The following CNBD2 variants were observed in gnomAD, a reference collection of about 807,000 sequenced individuals.
The protein encoded by CNBD2 is cyclic nucleotide-binding domain-containing protein 2.
A neutral mutation model predicts 63.7 loss-of-function variants in CNBD2; 64 were observed. That is an observed-to-expected ratio of 1.00 (90% CI 0.82 to 1.24). The LOEUF is 1.24. CNBD2 is among the 50% of genes most tolerant of loss of function. The probability of loss-of-function intolerance (pLI) is 0.00; values close to 1 mark genes in which losing one functional copy is unlikely to be tolerated. For synonymous variants in CNBD2, 229 were observed against 255.4 expected (o/e 0.90, Z 0.99); for missense variants, 691 against 713.5 (o/e 0.97, Z 0.36).
intron 2 of CNBD2, among the ~76,000 whole-genome samples, chr20:35,962,512 G>A (rs1377223206): frequency 6.6e-6 from 1 of 151,880 alleles, no homozygotes; most frequent in Non-Finnish European, 1.5e-5. Context: ...CGCCTGTCTT[G>A]GACTCCCAAA....
chr20:35,955,945 T>C (rs1293752347), downstream of CNBD2, among the ~76,000 whole-genome samples: 1 of 152,182 alleles, frequency 6.6e-6, no homozygotes, highest in African/African-American at 2.4e-5. Context: ...GGTCTCGAAC[T>C]CTTGACCTCA....
chr20:35,987,337 T>G, intron 6 of CNBD2, 58 bp from the exon 7 acceptor site: 1 of 1,600,132 alleles, frequency 6.2e-7, no homozygotes. Flanking sequence ...TGCAGATTGC[T>G]AAGGTCTGGG....
chr20:36,007,391 C>G (rs982724815), intron 8 of CNBD2, among the ~76,000 whole-genome samples: 1 of 151,162 alleles, frequency 6.6e-6, no homozygotes, highest in Non-Finnish European at 1.5e-5. Context: ...CTCAAGCAAT[C>G]CTCCTACCTC....
At chr20:35,969,745 TTACACACAATGTTGCCA>T (rs1439874665) in intron 1 of CNBD2, among the ~76,000 whole-genome samples, 7 of 152,220 alleles carry the variant, frequency 4.6e-5, no homozygotes. Context: ...CCATTCACTG[TTACACACAATGTTGCCA>T]TGATTACCCT....
In CNBD2 at chr20:36,016,926, ACATTTGCCTATGATCC is replaced by A. The variant is rs2057141302; in HGVS notation, c.1269+5672_1269+5687del. Among the ~76,000 whole-genome samples the A allele has an allele frequency of 2.0e-5, 3 of 149,948 alleles. No homozygotes were observed. In the South Asian group the frequency reaches 6.3e-4, roughly 32 times the overall value. On this transcript the variant is annotated intron_variant, in intron 10 of 11. Coordinates refer to ENST00000373973, the MANE Select transcript of CNBD2 (RefSeq NM_001365709.1). ...ATTAAAAAGTTAGCTGGGCATGGTGACATTTGCCTATGATCCCAGCTACTTGGGAGGGTGGGGTGGG... is the reference window on the plus strand; with the variant it reads ...ATTAAAAAGTTAGCTGGGCATGGTGACAGCTACTTGGGAGGGTGGGGTGGG...
chr20:35,965,154 C>A (rs2056335609), upstream of CNBD2, among the ~76,000 whole-genome samples: 1 of 151,016 alleles, frequency 6.6e-6, no homozygotes, highest in African/African-American at 2.4e-5. Context: ...ATCAGCAAAA[C>A]AATAAGAATC....
Position 35,984,207 on chromosome 20 carries a change from C to T in CNBD2, c.564+69C>T. The T allele has an allele frequency of 2.0e-6, 3 of 1,505,816 alleles. No individual in the cohort carries two copies. In the South Asian group the frequency reaches 3.9e-5, roughly 20 times the overall value. 93.3% of individuals were successfully genotyped at this position (1,505,816 alleles called of 1,614,324 possible). ...GGAGGTGACAGGACTTCTGCTAGAACCTCTCAGCCAGGCCCAGTCCTGCCT... is the reference window on the plus strand; with the variant it reads ...GGAGGTGACAGGACTTCTGCTAGAATCTCTCAGCCAGGCCCAGTCCTGCCT... On this transcript the variant is annotated intron_variant, in intron 5 of 11. Transcript: ENST00000373973.
chr20:36,023,461 G>C, intron 10 of CNBD2, 141 bp from the exon 11 acceptor site: 1 of 658,716 alleles, frequency 1.5e-6, no homozygotes, highest in South Asian at 2.6e-5. Context: ...GCAGTGAGCT[G>C]AGATTTGGGC....
chr20:35,984,523 G>A, intron 5 of CNBD2, 104 bp from the exon 6 acceptor site: 1 of 1,239,040 alleles, frequency 8.1e-7, no homozygotes, highest in Non-Finnish European at 1.1e-6. Flanking sequence ...AGTCTGGTGA[G>A]GAGAGAATTC....
At chr20:36,025,264 T>C (rs1450905109) in intron 11 of CNBD2, among the ~76,000 whole-genome samples, 1 of 151,656 alleles carries the variant, frequency 6.6e-6, no homozygotes, top group Non-Finnish European at 1.5e-5. Flanking sequence ...ATGGTAAGAG[T>C]CGTTTTCTCT....
chr20:35,977,672 T>A (rs778434660), intron 3 of CNBD2, among the ~76,000 whole-genome samples: 12 of 152,110 alleles, frequency 7.9e-5, no homozygotes, highest in Non-Finnish European at 1.8e-4. Context: ...AGTGAGACCC[T>A]GTCCCCCTGC....
chr20:36,023,478 A>C, intron 10 of CNBD2, 124 bp from the exon 11 acceptor site: 1 of 828,984 alleles, frequency 1.2e-6, no homozygotes, highest in South Asian at 2.1e-5. Context: ...GGGCCATTGC[A>C]CTCCAGCCTG....
intron 8 of CNBD2, among the ~76,000 whole-genome samples, chr20:36,001,681 G>C (rs1240152740): frequency 3.3e-5 from 5 of 150,456 alleles, no homozygotes; most frequent in Non-Finnish European, 7.4e-5. Context: ...CTTCTCAGAC[G>C]GGGCGGCCGG....
At chr20:36,021,856 C>T (rs1298504403) in intron 10 of CNBD2, among the ~76,000 whole-genome samples, 1 of 152,122 alleles carries the variant, frequency 6.6e-6, no homozygotes, top group Admixed American at 6.6e-5. Context: ...AGTAGGAATT[C>T]AAGCCAAGGA....
chr20:36,009,263 G>A (rs59084844), intron 9 of CNBD2, among the ~76,000 whole-genome samples: 110 of 151,246 alleles, frequency 7.3e-4, no homozygotes, highest in Non-Finnish European at 1.3e-3. Flanking sequence ...GTGCAGTGGC[G>A]CGATCTCTGC....
upstream of CNBD2, among the ~76,000 whole-genome samples, chr20:35,967,413 C>A (rs2056355185): frequency 1.3e-5 from 2 of 151,640 alleles, no homozygotes; most frequent in Admixed American, 6.6e-5. Flanking sequence ...CCTCACCCGG[C>A]TAATTTTTTT....
At chr20:35,984,838 T>C in intron 6 of CNBD2, 60 bp downstream of exon 6, 1 of 1,562,292 alleles carries the variant, frequency 6.4e-7, no homozygotes. Context: ...TGCCTGACTT[T>C]GTCTGTCCTA....
chr20:36,017,568 A>G (rs866905610), intron 10 of CNBD2, among the ~76,000 whole-genome samples: 1 of 152,138 alleles, frequency 6.6e-6, no homozygotes, highest in Non-Finnish European at 1.5e-5. Context: ...ATTGCCTCCT[A>G]CAACTTTAAA....
At chr20:35,977,796 C>G (rs1269001584) in intron 3 of CNBD2, among the ~76,000 whole-genome samples, 2 of 152,154 alleles carry the variant, frequency 1.3e-5, no homozygotes, top group South Asian at 2.1e-4. Flanking sequence ...TTGTACAACT[C>G]TGTGAATACA....
Sources: allele counts gnomAD v4.1 joint callset (sites outside exome capture counted in the v4.1 genomes callset), GRCh38; gene constraint gnomAD v4.1.1; transcripts MANE v1.5; gene names NCBI Gene and HGNC (gene_info 2026-07-23, HGNC 2026-07-21).